The following PTPRD variants were observed in gnomAD, a reference collection of about 807,000 sequenced individuals.
PTPRD encodes the protein receptor-type tyrosine-protein phosphatase delta.
In PTPRD, 34 loss-of-function variants were observed where a neutral mutation model predicts 214.5. The observed-to-expected ratio is 0.16, with a 90% CI of 0.12 to 0.21. PTPRD has a LOEUF of 0.21. PTPRD is among the 10% of genes least tolerant of loss of function. PTPRD has a pLI of 1.00. For synonymous variants in PTPRD, 1,128 were observed against 845.7 expected, an observed-to-expected ratio of 1.33 and a Z score of -5.79; for missense variants, 2,545 against 2,398.7, an observed-to-expected ratio of 1.06 and a Z score of -1.27.
At chr9:9,397,038 TC>T (rs2068129889) in intron 9 of PTPRD, among the ~76,000 whole-genome samples, 2 of 152,170 alleles carry the variant, frequency 1.3e-5, no homozygotes, top group South Asian at 2.1e-4. Flanking sequence ...AATTCTTTTT[TC>T]TTCTTTCTCT....
chr9:9,551,941 A>C (rs140233075), intron 8 of PTPRD, among the ~76,000 whole-genome samples: 2 of 151,706 alleles, frequency 1.3e-5, no homozygotes, highest in African/African-American at 2.4e-5. Context: ...GCTGACATAG[A>C]AGTGAGAAAA....
intron 12 of PTPRD, among the ~76,000 whole-genome samples, chr9:8,717,236 A>G (rs1312006960): frequency 6.6e-6 from 1 of 152,202 alleles, no homozygotes; most frequent in Non-Finnish European, 1.5e-5. Flanking sequence ...AACCGTATCA[A>G]TGTGCATTAG....
At position 8,553,117 on chromosome 9, in the gene PTPRD, T is replaced by C. The variant is rs547346026; in HGVS notation, c.353-24338A>G. Among the ~76,000 whole-genome samples the C allele has an allele frequency of 2.6e-5, 4 of 152,330 alleles. No individual in the cohort carries two copies. The East Asian group carries it at 7.7e-4, about 29-fold the overall frequency. ...AATGGCTGCTGGGTTAAACTTGTTA[T>C]AACCAAAAGTTGAGCAAAACACTAG... On this transcript the variant is annotated intron_variant, in intron 14 of 45. Coordinates refer to ENST00000381196, the MANE Select transcript of PTPRD (RefSeq NM_002839.4).
At chr9:9,096,713 T>C (rs2099784040) in intron 10 of PTPRD, among the ~76,000 whole-genome samples, 1 of 152,206 alleles carries the variant, frequency 6.6e-6, no homozygotes. Flanking sequence ...TCTAATTGCC[T>C]TTAGAACAGT....
chr9:10,309,747 TA>T (rs1565201376), intron 3 of PTPRD, among the ~76,000 whole-genome samples: 1 of 151,946 alleles, frequency 6.6e-6, no homozygotes. Flanking sequence ...TAAATATAGA[TA>T]TATACATATG....
At chr9:10,345,757 T>C (rs754895627) in intron 2 of PTPRD, among the ~76,000 whole-genome samples, 1 of 152,230 alleles carries the variant, frequency 6.6e-6, no homozygotes, top group African/African-American at 2.4e-5. Flanking sequence ...TAGAATGATT[T>C]GTAATCCTTT....
At chr9:10,597,055 C>A (rs1041261266) in intron 2 of PTPRD, among the ~76,000 whole-genome samples, 16 of 150,674 alleles carry the variant, frequency 1.1e-4, no homozygotes, top group African/African-American at 3.9e-4. Context: ...AGGTTATAGT[C>A]TTGGATTTAT....
intron 8 of PTPRD, among the ~76,000 whole-genome samples, chr9:9,531,672 G>A (rs541896905): frequency 1.3e-5 from 2 of 152,110 alleles, no homozygotes; most frequent in Non-Finnish European, 2.9e-5. Context: ...GTGGGTGATA[G>A]GCATTTGGGT....
intron 8 of PTPRD, among the ~76,000 whole-genome samples, chr9:9,556,627 G>GT (rs775149403): frequency 4.6e-5 from 7 of 151,964 alleles, no homozygotes; most frequent in Non-Finnish European, 1.0e-4. Context: ...TTGTTGCTAG[G>GT]GCCCCATCTA....
intron 11 of PTPRD, among the ~76,000 whole-genome samples, chr9:8,929,891 A>ATATATGTGTATATATGTGTGTATATATG (rs1188221114): frequency 2.5e-5 from 2 of 79,348 alleles, no homozygotes; most frequent in African/African-American, 9.0e-5. Context: ...ATGTGTGTGT[A>ATATATGTGTATATATGTGTGTATATATG]TATATATGTG....
At position 8,486,440 on chromosome 9, in the gene PTPRD, A is replaced by G. The variant is rs370464763; in HGVS notation, c.2468-91T>C. 1.2e-4 allele frequency: 135 copies of G among 1,122,054 alleles called. No individual in the cohort carries two copies. In the African/African-American group the frequency reaches 1.4e-3, roughly 12 times the overall value. 69.5% of individuals were successfully genotyped at this position (1,122,054 alleles called of 1,614,324 possible). ...AATGAGGGAGTTCCACTCTACTGGT[A>G]TTCCCATTTTCTTACTTACCAAAAC... On this transcript the variant is annotated intron_variant, in intron 27 of 45. Transcript: ENST00000381196.
chr9:9,543,693 A>G (rs1205263800), intron 8 of PTPRD, among the ~76,000 whole-genome samples: 4 of 151,596 alleles, frequency 2.6e-5, no homozygotes, highest in African/African-American at 9.7e-5. Flanking sequence ...TTGTTACTGA[A>G]AACAAACAAC....
intron 9 of PTPRD, among the ~76,000 whole-genome samples, chr9:9,271,671 G>A (rs1594915847): frequency 1.3e-5 from 2 of 151,252 alleles, no homozygotes; most frequent in Non-Finnish European, 3.0e-5. Flanking sequence ...AAATGTATTG[G>A]TTAAATATGT....
intron 11 of PTPRD, among the ~76,000 whole-genome samples, chr9:8,746,825 C>A (rs1416820933): frequency 6.6e-6 from 1 of 152,040 alleles, no homozygotes; most frequent in African/African-American, 2.4e-5. Flanking sequence ...AAGACCCCAT[C>A]TCTAAAAACA....
Position 8,341,216 on chromosome 9 carries a change from G to A in PTPRD, c.5000C>T (p.Pro1667Leu), listed in dbSNP as rs2132437440. The stretch of plus-strand genomic sequence containing the variant: ...AAGGCGATTTTTGAATTTATTACAT[G>A]GAAGATTGGCACTGATAAACCTTGA... ...HTSRFISANL[P>L]CNKFKNRLVN... Residue 1667 changes from proline (P) to leucine (L), a missense_variant, in exon 41 of 46, where the codon CCA (proline) becomes CTA (leucine). Physicochemically the swap from Pro to Leu is moderately conservative, Grantham distance 98. Transcript: ENST00000381196. The A allele has an allele frequency of 6.2e-7, 1 of 1,612,768 alleles. No homozygotes were observed. The highest frequency in any genetic ancestry group is 8.5e-7 in the Non-Finnish European group (1 of 1,179,338).
At chr9:10,232,029 A>G (rs12235259) in intron 3 of PTPRD, among the ~76,000 whole-genome samples, 9 of 98,050 alleles carry the variant, frequency 9.2e-5, no homozygotes, top group African/African-American at 1.7e-4. Context: ...TGTGTGTGTG[A>G]GGTGCACTCT....
At chr9:8,947,334 G>A (rs935899813) in intron 11 of PTPRD, among the ~76,000 whole-genome samples, 4 of 151,600 alleles carry the variant, frequency 2.6e-5, no homozygotes, top group Admixed American at 2.6e-4. Flanking sequence ...ATAGTGGTGT[G>A]CACCTGTAGT....
intron 3 of PTPRD, among the ~76,000 whole-genome samples, chr9:10,041,862 C>A (rs2097302117): frequency 6.6e-6 from 1 of 152,004 alleles, no homozygotes; most frequent in South Asian, 2.1e-4. Flanking sequence ...GAGTTGCCTT[C>A]CCTGTGAATC....
intron 4 of PTPRD, among the ~76,000 whole-genome samples, chr9:10,003,982 A>C (rs1371646903): frequency 1.3e-5 from 2 of 151,894 alleles, no homozygotes; most frequent in African/African-American, 4.8e-5. Flanking sequence ...AAGAGGAAAA[A>C]AAGATTGGAA....
Sources: gnomAD v4.1 joint callset for allele counts (sites outside exome capture counted in the v4.1 genomes callset) on GRCh38, gnomAD v4.1.1 for gene constraint, MANE v1.5 for transcripts, NCBI Gene and HGNC (gene_info 2026-07-23, HGNC 2026-07-21) for gene names.